The following QTGAL variants were observed in gnomAD, a reference collection of about 807,000 sequenced individuals.
QTGAL encodes queuosine-tRNA galactosyltransferase, also known as BGnT-like protein 1.
the QTGAL span, among the ~76,000 whole-genome samples, chr17:82,957,997 G>A: frequency 1.3e-5 from 2 of 151,984 alleles, no homozygotes; most frequent in Non-Finnish European, 2.9e-5. Context: ...GTCCCGGGGG[G>A]AGCAGGCTCC....
the QTGAL span, among the ~76,000 whole-genome samples, chr17:83,051,084 A>AGGCAGGTGCGCGC: frequency 1.6e-5 from 2 of 124,592 alleles, no homozygotes; most frequent in Admixed American, 9.0e-5. Context: ...TGCGGGAGCG[A>AGGCAGGTGCGCGC]GGCAGGTGCG....
At chr17:82,984,858 C>CG in the QTGAL span, among the ~76,000 whole-genome samples, 2 of 152,148 alleles carry the variant, frequency 1.3e-5, no homozygotes, top group East Asian at 3.9e-4. Flanking sequence ...CGGCCCACCC[C>CG]GGGTAGCTAG....
chr17:82,964,048 G>A, the QTGAL span, among the ~76,000 whole-genome samples: 1 of 147,654 alleles, frequency 6.8e-6, no homozygotes, highest in Non-Finnish European at 1.5e-5. Context: ...GATTGCTTGA[G>A]CCCAGGAGTT....
chr17:82,984,590 T>G, the QTGAL span, among the ~76,000 whole-genome samples: 53,562 of 74,996 alleles, frequency 0.71, 18,922 homozygotes, highest in African/African-American at 0.9. Context: ...GGCTACAGGG[T>G]CGTGCAGGGA....
chr17:83,028,522 CAAAA>C, the QTGAL span, among the ~76,000 whole-genome samples: 3 of 52,270 alleles, frequency 5.7e-5, no homozygotes, highest in African/African-American at 6.5e-5. Context: ...GACTCCATCT[CAAAA>C]AAAAAAAAAA....
At chr17:83,048,202 T>G in the QTGAL span, among the ~76,000 whole-genome samples, 1 of 152,170 alleles carries the variant, frequency 6.6e-6, no homozygotes, top group Non-Finnish European at 1.5e-5. Flanking sequence ...AATTTTTGTA[T>G]TTTTTGGTAA....
chr17:82,988,742 T>C, the QTGAL span, among the ~76,000 whole-genome samples: 1 of 152,112 alleles, frequency 6.6e-6, no homozygotes, highest in Non-Finnish European at 1.5e-5. Flanking sequence ...GCAACAAACA[T>C]ATGATAAAAA....
At chr17:82,964,032 G>C in the QTGAL span, among the ~76,000 whole-genome samples, 6 of 151,022 alleles carry the variant, frequency 4.0e-5, no homozygotes, top group African/African-American at 9.8e-5. Flanking sequence ...TGAGGTCGGG[G>C]GGGTGGATTG....
the QTGAL span, among the ~76,000 whole-genome samples, chr17:82,967,865 G>A: frequency 6.6e-6 from 1 of 152,016 alleles, no homozygotes; most frequent in Non-Finnish European, 1.5e-5. Context: ...AGCTCCGGAA[G>A]TCAAGGGTGC....
At chr17:83,024,665 C>T in the QTGAL span, among the ~76,000 whole-genome samples, 39 of 152,368 alleles carry the variant, frequency 2.6e-4, no homozygotes, top group Middle Eastern at 6.8e-3. Flanking sequence ...AACACGCCCC[C>T]GGGGCTGAGA....
chr17:82,999,994 G>A, the QTGAL span, among the ~76,000 whole-genome samples: 47 of 152,082 alleles, frequency 3.1e-4, no homozygotes, highest in South Asian at 5.4e-3. Flanking sequence ...ATGGAGTCTC[G>A]CTCTGTCGCC....
the QTGAL span, among the ~76,000 whole-genome samples, chr17:83,026,749 C>A: frequency 8.1e-6 from 1 of 123,774 alleles, no homozygotes; most frequent in Non-Finnish European, 1.8e-5. Flanking sequence ...ACAAACCCAC[C>A]CTCGACAGAC....
chr17:83,028,102 C>T, the QTGAL span, among the ~76,000 whole-genome samples: 1 of 152,174 alleles, frequency 6.6e-6, no homozygotes, highest in East Asian at 1.9e-4. Flanking sequence ...CAGAGTAAAA[C>T]TTCATCTCCC....
the QTGAL span, among the ~76,000 whole-genome samples, chr17:83,001,560 A>G: frequency 7.0e-6 from 1 of 143,242 alleles, no homozygotes; most frequent in Admixed American, 7.0e-5. Flanking sequence ...GTAAAATTCC[A>G]GCAAACGTAA....
the QTGAL span, among the ~76,000 whole-genome samples, chr17:82,970,586 ACCTCCGCACCCGGC>A: frequency 3.0e-5 from 4 of 134,424 alleles, no homozygotes; most frequent in African/African-American, 6.9e-5. Context: ...CGTGGCCGCG[ACCTCCGCACCCGGC>A]GTGGCCGCGA....
chr17:82,963,296 C>T, the QTGAL span, among the ~76,000 whole-genome samples: 1 of 152,144 alleles, frequency 6.6e-6, no homozygotes, highest in Admixed American at 6.5e-5. Flanking sequence ...CCCCAGGGCT[C>T]GTCCCCAGCG....
the QTGAL span, among the ~76,000 whole-genome samples, chr17:82,970,656 C>CACCCAGCGTGGACGT: frequency 5.2e-5 from 2 of 38,434 alleles, no homozygotes; most frequent in African/African-American, 2.6e-4. Flanking sequence ...GGTGTGGCCG[C>CACCCAGCGTGGACGT]GACCTCCGCA....
the QTGAL span, chr17:82,956,926 G>A: frequency 9.7e-7 from 1 of 1,035,130 alleles, no homozygotes; most frequent in African/African-American, 1.6e-5. The surrounding 1 kb of genome is among the most constrained non-coding windows in gnomAD (Gnocchi z 5.7). Flanking sequence ...CAGGTGTTCA[G>A]AGCAGGAACC....
At chr17:83,025,643 C>T in the QTGAL span, among the ~76,000 whole-genome samples, 4 of 142,596 alleles carry the variant, frequency 2.8e-5, no homozygotes, top group African/African-American at 8.1e-5. Flanking sequence ...ACACGGACAC[C>T]GCGGAGAGTC....
Sources: gnomAD v4.1 joint callset for allele counts (sites outside exome capture counted in the v4.1 genomes callset) on GRCh38, gnomAD v4.1.1 for gene constraint, Gnocchi (gnomAD v3.1) non-coding constraint, MANE v1.5 for transcripts, NCBI Gene and HGNC (gene_info 2026-07-23, HGNC 2026-07-21) for gene names.